The following OVGP1 variants were observed in gnomAD, a reference collection of about 807,000 sequenced individuals.
The protein encoded by OVGP1 is oviductal glycoprotein 1.
A neutral mutation model predicts 48.2 loss-of-function variants in OVGP1; 26 were observed. The ratio of observed to expected loss-of-function variants is 0.54; its 90% CI spans 0.40 to 0.75. OVGP1 has a LOEUF of 0.75. Among genes scored for constraint, OVGP1 ranks in the 30% least tolerant of loss-of-function variants. The pLI is 0.00. For synonymous variants in OVGP1, 294 were observed against 305.7 expected (o/e 0.96, Z 0.40); for missense variants, 791 against 820.6 (o/e 0.96, Z 0.44).
intron 3 of OVGP1, 49 bp downstream of exon 3, chr1:111,426,388 A>C: frequency 6.2e-7 from 1 of 1,612,496 alleles, no homozygotes; most frequent in Non-Finnish European, 8.5e-7. Context: ...CTGTTATCTT[A>C]TACCTGTGAA....
chr1:111,423,793 G>A (rs1233514256), intron 4 of OVGP1, 85 bp from the exon 5 acceptor site: 1 of 1,343,236 alleles, frequency 7.4e-7, no homozygotes, highest in African/African-American at 1.5e-5. Context: ...TTGGTTCCCT[G>A]TGGTGGGCCT....
chr1:111,422,953 T>C lies in OVGP1; in HGVS notation c.582A>G (p.Thr194=). ...TTCCTAGAAAGCGCACATCATAGGA[T>C]GTTTGGACGATGTGTGGGACCCCAG... The part of the protein sequence containing the change: ...AVSGVPHIVQ[T]SYDVRFLGRL... The change falls in exon 6 of 11, where the codon ACA becomes ACG. Residue 194 remains threonine, a synonymous_variant. Coordinates refer to ENST00000369732, the MANE Select transcript of OVGP1 (RefSeq NM_002557.4). 2 of 1,614,148 alleles carry C rather than the reference T, an allele frequency of 1.2e-6. No homozygotes were observed.
chr1:111,424,092 A>G (rs1205414225), intron 4 of OVGP1, among the ~76,000 whole-genome samples: 1 of 152,168 alleles, frequency 6.6e-6, no homozygotes, highest in Admixed American at 6.5e-5. Flanking sequence ...CTCATAGGTA[A>G]CTACTCAATT....
At chr1:111,421,774 C>CG in intron 6 of OVGP1, 101 bp from the exon 7 acceptor site, 1 of 727,800 alleles carries the variant, frequency 1.4e-6, no homozygotes, top group Admixed American at 2.2e-5. Flanking sequence ...CATTGGTCAC[C>CG]AGAGCTTCCC....
rs1322726140 is a variant in OVGP1 at position 111,422,941 on chromosome 1, C to G, written c.594G>C (p.Val198=). 6.2e-7 allele frequency: 1 copy of G among 1,614,138 alleles called. No homozygotes were observed. The highest frequency in any genetic ancestry group is 8.5e-7 in the Non-Finnish European group (1 of 1,180,014). The change falls in exon 6 of 11, where the codon GTG becomes GTC. Residue 198 remains valine (V), a synonymous_variant. Transcript: ENST00000369732. ...TATCCACTCACCTTCCTAGAAAGCG[C>G]ACATCATAGGATGTTTGGACGATGT... ...VPHIVQTSYD[V]RFLGRLLDFI...
intron 9 of OVGP1, among the ~76,000 whole-genome samples, chr1:111,418,454 G>A (rs1321307455): frequency 6.6e-6 from 1 of 152,204 alleles, no homozygotes; most frequent in East Asian, 1.9e-4. Flanking sequence ...CTCACCCAGT[G>A]TTAATGCACA....
chr1:111,421,380 A>C lies in OVGP1; in HGVS notation c.799T>G (p.Phe267Val), dbSNP rs1328896074. Reference protein sequence around the residue: ...IMGIPTYGRTFRLLKASKNGL... With the variant: ...IMGIPTYGRTVRLLKASKNGL... ...TTCTTAGAGGCTTTGAGGAGGCGAA[A>C]GGTACGTCCATAGGTGGGGATCCCC... Residue 267 changes from phenylalanine (F) to valine (V), a missense_variant, in exon 8 of 11, where the codon TTT becomes GTT. By Grantham distance (50) the Phe-to-Val change is conservative (BLOSUM62 -1). Transcript: ENST00000369732. 2.5e-6 allele frequency: 4 copies of C among 1,614,108 alleles called. No individual in the cohort carries two copies. The highest frequency in any genetic ancestry group is 3.3e-5 in the Admixed American group (2 of 60,010).
In OVGP1 at chr1:111,414,933, G is replaced by A. The variant is rs1306575513; in HGVS notation, c.1568C>T (p.Thr523Ile). 2.5e-6 allele frequency: 2 copies of A among 803,488 alleles called. No individual in the cohort carries two copies. The highest frequency in any genetic ancestry group is 2.0e-5 in the African/African-American group (1 of 49,010). The allele number at this position is 803,488 out of a possible 1,614,324, so 49.8% of individuals were successfully genotyped here. Residue 523 changes from threonine to isoleucine, a missense_variant, in exon 11 of 11, where the codon ACC (threonine) becomes ATC (isoleucine). Coordinates refer to ENST00000369732, the MANE Select transcript of OVGP1 (RefSeq NM_002557.4). Reference sequence around the variant, plus strand: ...AGACTGATGACCCACAGGGGTCAGGGTCTTTTCCCCAGGGGTCACAGACTG... The same window carrying A: ...AGACTGATGACCCACAGGGGTCAGGATCTTTTCCCCAGGGGTCACAGACTG... ...GYQSVTPGEK[T>I]LTPVGHQSVT...
Position 111,423,529 on chromosome 1 carries a change from T to C in OVGP1, c.483+14A>G. ...AATCATTTCTGGATTCTGGCGCTTC[T>C]AGACCAGACTTACTTCAATTAAGAA... is the stretch of plus-strand genomic sequence containing the variant. On this transcript the variant is annotated intron_variant, in intron 5 of 10. Transcript: ENST00000369732. 6.2e-7 allele frequency: 1 copy of C among 1,613,014 alleles called. No individual in the cohort carries two copies. Among genetic ancestry groups the C allele is most frequent in the Non-Finnish European group, 8.5e-7 (1 of 1,179,572 alleles).
At chr1:111,427,523 A>T in intron 1 of OVGP1, 174 bp downstream of exon 1, 1 of 502,820 alleles carries the variant, frequency 2.0e-6, no homozygotes, top group Non-Finnish European at 2.6e-6. Flanking sequence ...TGCTCTGACC[A>T]CTTCTCCCTG....
chr1:111,422,805 C>T, intron 6 of OVGP1, 122 bp downstream of exon 6: 10 of 1,136,632 alleles, frequency 8.8e-6, no homozygotes, highest in Non-Finnish European at 1.3e-5. Flanking sequence ...CCCAAACTTG[C>T]ACTGACGTCA....
At position 111,423,705 on chromosome 1, in the gene OVGP1, G is replaced by A. The variant is rs751704877; in HGVS notation, c.321C>T (p.Phe107=). The change falls in exon 5 of 11, where the codon TTC becomes TTT. Residue 107 remains phenylalanine (F), a synonymous_variant. Coordinates refer to ENST00000369732, the MANE Select transcript of OVGP1 (RefSeq NM_002557.4). The stretch of plus-strand genomic sequence containing the variant: ...TGGCAAATGTGGACAACATAGTGGT[G>A]AATCTGTAGGGAGACCAGGGGTAAG... ...IGGWNFGTSR[F]TTMLSTFANR... is the part of the protein sequence containing the mutation. The A allele has an allele frequency of 1.9e-6, 3 of 1,613,766 alleles. No homozygotes were observed. Among genetic ancestry groups the A allele is most frequent in the East Asian group, 4.5e-5 (2 of 44,888 alleles).
intron 1 of OVGP1, chr1:111,427,395 G>C: frequency 1.0e-6 from 1 of 983,354 alleles, no homozygotes; most frequent in Non-Finnish European, 1.2e-6. Flanking sequence ...CTGAACCCTG[G>C]CTGCAAATTA....
At chr1:111,417,227 A>G (rs935876180) in intron 9 of OVGP1, among the ~76,000 whole-genome samples, 7 of 152,236 alleles carry the variant, frequency 4.6e-5, no homozygotes, top group Non-Finnish European at 8.8e-5. Flanking sequence ...ATATTGCTCT[A>G]CTGTTTAAAA....
At position 111,414,502 on chromosome 1, in the gene OVGP1, C is replaced by T. The variant is rs746645816; in HGVS notation, c.1999G>A (p.Glu667Lys). The change falls in exon 11 of 11, where the codon GAA becomes AAA. Residue 667 changes from glutamate (E) to lysine (K), a missense_variant. By Grantham distance (56) the Glu-to-Lys change is moderately conservative. Coordinates refer to ENST00000369732, the MANE Select transcript of OVGP1 (RefSeq NM_002557.4). ...TCCACAGCAGAGTTTTCTGGGATTT[C>T]TTTTTTTAGAGAAAGAGGACTTGTT... is the stretch of plus-strand genomic sequence containing the variant. Reference protein sequence around the residue: ...PQTSPLSLKKEIPENSAVDEE... With the variant: ...PQTSPLSLKKKIPENSAVDEE... The T allele has an allele frequency of 7.4e-6, 12 of 1,612,662 alleles. No homozygotes were observed. In the East Asian group the frequency reaches 1.6e-4, roughly 21 times the overall value.
intron 4 of OVGP1, 136 bp from the exon 5 acceptor site, chr1:111,423,844 C>T (rs1357883436): frequency 1.3e-6 from 1 of 767,422 alleles, no homozygotes; most frequent in Non-Finnish European, 2.1e-6. Context: ...ATTTCCAAAA[C>T]TCTCCCACCT....
At chr1:111,427,555 T>C (rs1652427982) in intron 1 of OVGP1, 142 bp downstream of exon 1, 8 of 1,128,158 alleles carry the variant, frequency 7.1e-6, no homozygotes, top group Non-Finnish European at 1.0e-5. Flanking sequence ...CCTCTGACCA[T>C]TAACTATGGC....
At chr1:111,423,131 T>A in intron 5 of OVGP1, 80 bp from the exon 6 acceptor site, 1 of 1,567,276 alleles carries the variant, frequency 6.4e-7, no homozygotes, top group Middle Eastern at 1.7e-4. Context: ...CTAGGAAGCA[T>A]TTACTGAGCT....
chr1:111,416,433 A>G lies in OVGP1; in HGVS notation c.1046T>C (p.Phe349Ser), dbSNP rs1212940065. The change falls in exon 10 of 11, where the codon TTT becomes TCT. Residue 349 changes from phenylalanine to serine, a missense_variant. Physicochemically the swap from Phe to Ser is radical, Grantham distance 155. Transcript: ENST00000369732. ...CAATGTCCACACCATGGCCCCCCCA[A>G]AATGCTCTCGCCTTATAAACCATGC... ...YKAWFIRREH[F>S]GGAMVWTLDM... 1 of 1,606,354 alleles carries G rather than the reference A, an allele frequency of 6.2e-7. No homozygotes were observed. The highest frequency in any genetic ancestry group is 8.5e-7 in the Non-Finnish European group (1 of 1,176,340).
Sources: allele counts gnomAD v4.1 joint callset (sites outside exome capture counted in the v4.1 genomes callset), GRCh38; gene constraint gnomAD v4.1.1; transcripts MANE v1.5; gene names NCBI Gene and HGNC (gene_info 2026-07-23, HGNC 2026-07-21).